The following COL28A1 variants were observed in gnomAD, a reference collection of about 807,000 sequenced individuals.
The protein encoded by COL28A1 is collagen alpha-1(XXVIII) chain.
In COL28A1, 161 loss-of-function variants were observed where a neutral mutation model predicts 150.2. The observed-to-expected ratio is 1.07, with a 90% CI of 0.94 to 1.22. The LOEUF is 1.22. Ranked by LOEUF, COL28A1 falls within the 50% of genes most tolerant of loss-of-function variation. COL28A1 has a pLI of 0.00. For missense variants in COL28A1, 1,617 were observed against 1,388.3 expected (o/e 1.16, Z -2.62); for synonymous variants, 552 against 469.7 (o/e 1.18, Z -2.26).
intron 15 of COL28A1, among the ~76,000 whole-genome samples, chr7:7,471,301 G>T (rs894231519): frequency 4.0e-5 from 6 of 151,832 alleles, no homozygotes; most frequent in Admixed American, 3.3e-4. Context: ...GACATTCAAA[G>T]AATTATCAAT....
At chr7:7,532,722 C>G in intron 2 of COL28A1, 30 bp downstream of exon 2, 8 of 1,585,578 alleles carry the variant, frequency 5.0e-6, no homozygotes, top group Non-Finnish European at 6.8e-6. Flanking sequence ...ACAGGCTAAA[C>G]TTAAAAACAA....
Position 7,474,627 on chromosome 7 carries a change from G to A in COL28A1, c.1276C>T (p.Gln426Ter), listed in dbSNP as rs1316078570. The change falls in exon 15 of 35, where the codon CAA becomes TAA. Residue 426 changes from glutamine (Q) to a stop codon, truncating the protein, a stop_gained. Transcript: ENST00000399429. LOFTEE classifies it high-confidence loss of function. ...SEGPTGPQGL[Q>*]GLSIKGEKGD... ...TTCTCCCCTTTGATTGACAGGCCTT[G>A]TAATCCCTGTGGGCCAGTTGGTCCT... 1.4e-6 allele frequency: 2 copies of A among 1,408,472 alleles called. No homozygotes were observed. Among genetic ancestry groups the A allele is most frequent in the African/African-American group, 2.8e-5 (2 of 70,360 alleles). 87.2% of individuals were successfully genotyped at this position (1,408,472 alleles called of 1,614,324 possible). A position where few individuals can be genotyped will look rare whatever the true frequency, so the allele number is the denominator to read the frequency against.
chr7:7,450,377 C>T (rs1274765310), intron 18 of COL28A1, among the ~76,000 whole-genome samples: 1 of 151,758 alleles, frequency 6.6e-6, no homozygotes, highest in Non-Finnish European at 1.5e-5. Flanking sequence ...AAATAATATT[C>T]AAAAATCACA....
At chr7:7,446,562 C>G (rs1416117850) in intron 18 of COL28A1, among the ~76,000 whole-genome samples, 1 of 152,088 alleles carries the variant, frequency 6.6e-6, no homozygotes, top group East Asian at 1.9e-4. Flanking sequence ...CTTATACAAA[C>G]ATTTCTAAAA....
chr7:7,524,085 C>T (rs1186373229), intron 4 of COL28A1, 144 bp downstream of exon 4: 6 of 599,258 alleles, frequency 1.0e-5, no homozygotes, highest in Non-Finnish European at 1.8e-5. Flanking sequence ...AATCAGATGG[C>T]TGCCTCAGAA....
At chr7:7,366,090 G>C (rs1213154676) in intron 33 of COL28A1, among the ~76,000 whole-genome samples, 1 of 152,118 alleles carries the variant, frequency 6.6e-6, no homozygotes, top group Non-Finnish European at 1.5e-5. Flanking sequence ...GCTTTACCCA[G>C]TAAACATTTT....
intron 27 of COL28A1, among the ~76,000 whole-genome samples, chr7:7,390,658 C>A (rs1282108621): frequency 6.6e-6 from 1 of 152,084 alleles, no homozygotes; most frequent in African/African-American, 2.4e-5. Context: ...TAATTACTGC[C>A]TCAATTTCAG....
At chr7:7,517,170 G>C (rs1436427727) in intron 7 of COL28A1, among the ~76,000 whole-genome samples, 3 of 151,962 alleles carry the variant, frequency 2.0e-5, no homozygotes, top group African/African-American at 7.3e-5. Context: ...AATACCAAGA[G>C]AACAGTTTTT....
intron 25 of COL28A1, among the ~76,000 whole-genome samples, chr7:7,425,427 A>T (rs1045926831): frequency 4.6e-5 from 7 of 152,210 alleles, no homozygotes; most frequent in African/African-American, 7.2e-5. Flanking sequence ...AAGGAGAAGA[A>T]CATCCTGGAT....
upstream of COL28A1, among the ~76,000 whole-genome samples, chr7:7,539,551 T>C (rs1376116634): frequency 3.9e-5 from 6 of 152,128 alleles, no homozygotes; most frequent in Non-Finnish European, 1.5e-5. Flanking sequence ...ATGCAAACCA[T>C]GGCAAACACC....
At chr7:7,401,335 A>G (rs1051200550) in intron 27 of COL28A1, among the ~76,000 whole-genome samples, 1 of 151,884 alleles carries the variant, frequency 6.6e-6, no homozygotes, top group African/African-American at 2.4e-5. Flanking sequence ...GACTTTAAAT[A>G]CCATCTATAA....
At chr7:7,528,918 T>C (rs1782183292) in intron 3 of COL28A1, among the ~76,000 whole-genome samples, 1 of 152,190 alleles carries the variant, frequency 6.6e-6, no homozygotes, top group Non-Finnish European at 1.5e-5. Flanking sequence ...GTCAACTACA[T>C]AATTATTTTA....
chr7:7,350,263 G>T, the COL28A1 span, among the ~76,000 whole-genome samples: 1 of 152,090 alleles, frequency 6.6e-6, no homozygotes, highest in African/African-American at 2.4e-5. Flanking sequence ...TGAGGGAGAT[G>T]AAAGGTTCAG....
chr7:7,348,006 G>T, the COL28A1 span, among the ~76,000 whole-genome samples: 1 of 151,954 alleles, frequency 6.6e-6, no homozygotes, highest in Non-Finnish European at 1.5e-5. Context: ...AATTGGCATG[G>T]CAACTAATAA....
At chr7:7,448,511 T>G (rs1786442799) in intron 18 of COL28A1, among the ~76,000 whole-genome samples, 1 of 151,842 alleles carries the variant, frequency 6.6e-6, no homozygotes. Context: ...CTTGGAAAGC[T>G]AAATGAATAC....
intron 15 of COL28A1, among the ~76,000 whole-genome samples, chr7:7,462,871 A>C (rs1457596982): frequency 1.3e-5 from 2 of 150,792 alleles, no homozygotes; most frequent in Admixed American, 6.6e-5. Context: ...CAAAAAAAAA[A>C]AAAAGAAAAA....
upstream of COL28A1, among the ~76,000 whole-genome samples, chr7:7,540,065 CA>C (rs202136831): frequency 0.13 from 19,920 of 151,856 alleles, 1,441 homozygotes; most frequent in East Asian, 0.22. Context: ...TATTTTAGAC[CA>C]AAAATAAATC....
chr7:7,446,614 G>C (rs780914411), intron 18 of COL28A1, among the ~76,000 whole-genome samples: 1 of 152,102 alleles, frequency 6.6e-6, no homozygotes, highest in Non-Finnish European at 1.5e-5. Flanking sequence ...ATTTTATGAG[G>C]CTTATAAAGC....
chr7:7,530,365 A>C (rs1025785999), intron 3 of COL28A1, among the ~76,000 whole-genome samples: 1 of 152,218 alleles, frequency 6.6e-6, no homozygotes, highest in Non-Finnish European at 1.5e-5. Flanking sequence ...TAAAAAGATA[A>C]GAGTAATGTT....
Sources: gnomAD v4.1 joint callset for allele counts (sites outside exome capture counted in the v4.1 genomes callset) on GRCh38, gnomAD v4.1.1 for gene constraint, MANE v1.5 for transcripts, NCBI Gene and HGNC (gene_info 2026-07-23, HGNC 2026-07-21) for gene names.